Variants in IDE observed in about 807,000 individuals in gnomAD.
IDE encodes the protein insulin degrading enzyme.
A neutral mutation model predicts 133.2 loss-of-function variants in IDE; 58 were observed. The observed-to-expected ratio is 0.44, with a 90% confidence interval of 0.35 to 0.54. IDE has a LOEUF of 0.54. Ranked by LOEUF, IDE falls within the 20% of genes least tolerant of loss-of-function variation. IDE has a pLI of 0.00. For missense variants in IDE, 981 were observed against 1,234.0 expected (o/e 0.79, Z 3.07); for synonymous variants, 396 against 421.3 (o/e 0.94, Z 0.73).
At chr10:92,481,748 G>A (rs1846626720) in intron 14 of IDE, among the ~76,000 whole-genome samples, 1 of 152,192 alleles carries the variant, frequency 6.6e-6, no homozygotes, top group Non-Finnish European at 1.5e-5. Flanking sequence ...TAGGAAGACA[G>A]ACCAGAGGGA....
chr10:92,507,702 C>A, intron 8 of IDE, 36 bp from the exon 9 acceptor site: 1 of 1,103,822 alleles, frequency 9.1e-7, no homozygotes, highest in South Asian at 1.2e-5. Flanking sequence ...ACCATTCAGT[C>A]CTTGAATCCT....
At chr10:92,572,451 T>G (rs903114148) in intron 1 of IDE, among the ~76,000 whole-genome samples, 2 of 152,220 alleles carry the variant, frequency 1.3e-5, no homozygotes, top group African/African-American at 4.8e-5. Context: ...AGTGCCCCAC[T>G]GCTACCATCC....
chr10:92,506,614 T>C (rs1346163329), intron 9 of IDE, 92 bp from the exon 10 acceptor site: 2 of 591,934 alleles, frequency 3.4e-6, no homozygotes, highest in East Asian at 5.5e-5. Flanking sequence ...ACTATAAGCT[T>C]TCTACTCCAT....
At chr10:92,542,491 T>C (rs534485666) in intron 1 of IDE, among the ~76,000 whole-genome samples, 2 of 152,316 alleles carry the variant, frequency 1.3e-5, no homozygotes, top group African/African-American at 4.8e-5. Flanking sequence ...GGTTTTGCCA[T>C]GTTGTCCAGG....
chr10:92,475,093 GT>G, intron 16 of IDE, 132 bp from the exon 17 acceptor site: 1 of 669,078 alleles, frequency 1.5e-6, no homozygotes, highest in South Asian at 2.1e-5. Context: ...CCTTTCTGAA[GT>G]TATATAATTA....
intron 4 of IDE, among the ~76,000 whole-genome samples, chr10:92,523,594 G>A (rs1482067423): frequency 6.6e-6 from 1 of 150,810 alleles, no homozygotes; most frequent in Non-Finnish European, 1.5e-5. Context: ...CCAGCAACTT[G>A]GGTGGCTGAG....
At chr10:92,461,652 G>A (rs1589362385) in intron 21 of IDE, among the ~76,000 whole-genome samples, 3 of 151,842 alleles carry the variant, frequency 2.0e-5, no homozygotes, top group African/African-American at 7.3e-5. Context: ...CATCGCGTCT[G>A]GCCAAGTATT....
At chr10:92,548,658 T>C (rs1163890079) in intron 1 of IDE, among the ~76,000 whole-genome samples, 1 of 152,196 alleles carries the variant, frequency 6.6e-6, no homozygotes, top group African/African-American at 2.4e-5. Context: ...CACATACTTA[T>C]GTGAATTCCA....
In IDE at chr10:92,473,981, T is replaced by TA. The variant is rs1038960285; in HGVS notation, c.2116+859dup. On this transcript the variant is annotated intron_variant, in intron 17 of 24. Coordinates refer to ENST00000265986, the MANE Select transcript of IDE (RefSeq NM_004969.4). Reference sequence around the variant, plus strand: ...TGGGCAACAGAGCAGACTCCGTCTTTAAAAAAAAAAACACCAAATAAAAAT... The same window carrying TA: ...TGGGCAACAGAGCAGACTCCGTCTTTAAAAAAAAAAAACACCAAATAAAAAT... 7.9e-4 allele frequency among the ~76,000 whole-genome samples: 115 copies of TA among 146,108 alleles called. No homozygotes were observed. The Middle Eastern group carries it at 0.01, about 13-fold the overall frequency.
At chr10:92,549,886 G>A (rs1296083926) in intron 1 of IDE, among the ~76,000 whole-genome samples, 1 of 152,102 alleles carries the variant, frequency 6.6e-6, no homozygotes. Flanking sequence ...TGACCATGCT[G>A]TTTAACACTC....
rs1186180260 is a variant in IDE, at chr10:92,453,278, T to C, written c.*1166A>G. On this transcript the variant is annotated 3_prime_UTR_variant, in exon 25 of 25. Coordinates refer to ENST00000265986, the MANE Select transcript of IDE (RefSeq NM_004969.4). ...AGTAACAATTTCACCTAAAATAGTATCTCATGAAAAAAATATTTTTTTAAA... is the reference window on the plus strand; with the variant it reads ...AGTAACAATTTCACCTAAAATAGTACCTCATGAAAAAAATATTTTTTTAAA... 1 of 152,136 alleles carries C rather than the reference T, an allele frequency of 6.6e-6. No homozygotes were observed. The highest frequency in any genetic ancestry group is 2.1e-4 in the South Asian group (1 of 4,832). The allele number at this position is 152,136 out of a possible 1,614,324, so 9.4% of individuals were successfully genotyped here. A position where few individuals can be genotyped will look rare whatever the true frequency, so the allele number is the denominator to read the frequency against.
chr10:92,532,169 A>G (rs1279319138), intron 3 of IDE, among the ~76,000 whole-genome samples: 3 of 152,078 alleles, frequency 2.0e-5, no homozygotes, highest in South Asian at 4.1e-4. Flanking sequence ...AATTTAAAAA[A>G]TTAACACCAA....
chr10:92,564,971 T>C (rs11187073), intron 1 of IDE, among the ~76,000 whole-genome samples: 24,970 of 151,760 alleles, frequency 0.16, 2,411 homozygotes, highest in Middle Eastern at 0.21. Context: ...AGTAGCCAGG[T>C]GTGCTGGCTC....
At chr10:92,542,814 G>A (rs1485080688) in intron 1 of IDE, among the ~76,000 whole-genome samples, 1 of 152,164 alleles carries the variant, frequency 6.6e-6, no homozygotes, top group Non-Finnish European at 1.5e-5. Flanking sequence ...GGAACTCCAG[G>A]TCAAGATCAT....
At chr10:92,552,185 G>A (rs1016828093) in intron 1 of IDE, among the ~76,000 whole-genome samples, 1 of 152,094 alleles carries the variant, frequency 6.6e-6, no homozygotes, top group Non-Finnish European at 1.5e-5. Flanking sequence ...ATACAATAAA[G>A]CCTAAGAGAA....
chr10:92,476,591 A>G (rs1846265206), intron 15 of IDE, among the ~76,000 whole-genome samples: 1 of 152,124 alleles, frequency 6.6e-6, no homozygotes, highest in African/African-American at 2.4e-5. Context: ...TCTCCCAAGT[A>G]GCTGGAACTA....
chr10:92,495,681 G>C (rs1237384916), intron 11 of IDE, among the ~76,000 whole-genome samples: 3 of 151,732 alleles, frequency 2.0e-5, no homozygotes, highest in Non-Finnish European at 4.4e-5. Flanking sequence ...ATTCAAATTA[G>C]ATGAACCCTC....
At chr10:92,468,020 T>C (rs977343064) in intron 19 of IDE, among the ~76,000 whole-genome samples, 1 of 152,192 alleles carries the variant, frequency 6.6e-6, no homozygotes, top group Admixed American at 6.5e-5. Context: ...GTAGCTTGAA[T>C]AGGGAGGTTC....
intron 17 of IDE, among the ~76,000 whole-genome samples, chr10:92,474,006 T>A (rs977988423): frequency 1.3e-5 from 2 of 151,474 alleles, no homozygotes; most frequent in Non-Finnish European, 2.9e-5. Context: ...CAAATAAAAA[T>A]CCTTCAATAT....
Sources: allele counts gnomAD v4.1 joint callset (sites outside exome capture counted in the v4.1 genomes callset), GRCh38; gene constraint gnomAD v4.1.1; transcripts MANE v1.5; gene names NCBI Gene and HGNC (gene_info 2026-07-23, HGNC 2026-07-21).